Variants in ARHGAP35 observed in about 807,000 individuals in gnomAD.
ARHGAP35 encodes rho GTPase-activating protein 35.
In ARHGAP35, 15 loss-of-function variants were observed where a neutral mutation model predicts 111.1. The ratio of observed to expected loss-of-function variants is 0.13; its 90% CI spans 0.09 to 0.21. The LOEUF is 0.21. ARHGAP35 is among the 10% of genes least tolerant of loss of function. The pLI is 1.00. For missense variants in ARHGAP35, 1,262 were observed against 1,873.0 expected (o/e 0.67, Z 6.02); for synonymous variants, 643 against 710.3 (o/e 0.91, Z 1.51).
chr19:46,876,916 A>G (rs1043563932), intron 1 of ARHGAP35, among the ~76,000 whole-genome samples: 4 of 152,208 alleles, frequency 2.6e-5, no homozygotes, highest in South Asian at 2.1e-4. Context: ...ATGGCAATAA[A>G]GCCAGTCACA....
rs1210175202 is a variant in ARHGAP35 at position 47,004,515 on chromosome 19, A to T, written c.*3827A>T. On this transcript the variant is annotated 3_prime_UTR_variant, in exon 7 of 7. Coordinates refer to ENST00000672722, the MANE Select transcript of ARHGAP35 (RefSeq NM_004491.5). ...ATTTAAGAAAAAAACAAAAAAACGGAAATGTCAGAATTGTATGGAAATAAA... is the reference window on the plus strand; with the variant it reads ...ATTTAAGAAAAAAACAAAAAAACGGTAATGTCAGAATTGTATGGAAATAAA... The T allele has an allele frequency of 1.3e-5, 2 of 152,692 alleles. No individual in the cohort carries two copies. The highest frequency in any genetic ancestry group is 4.8e-5 in the African/African-American group (2 of 41,472). 9.5% of individuals were successfully genotyped at this position (152,692 alleles called of 1,614,324 possible). A position where few individuals can be genotyped will look rare whatever the true frequency, so the allele number is the denominator to read the frequency against.
At chr19:46,862,165 C>T (rs544886585) in intron 1 of ARHGAP35, among the ~76,000 whole-genome samples, 1 of 152,162 alleles carries the variant, frequency 6.6e-6, no homozygotes. Context: ...GCTCCCCTCA[C>T]CTGCTTGCTT....
chr19:46,884,515 TTC>T (rs1491524475), intron 1 of ARHGAP35, among the ~76,000 whole-genome samples: 1 of 149,692 alleles, frequency 6.7e-6, no homozygotes, highest in African/African-American at 2.5e-5. Flanking sequence ...TTTTTTTTTT[TTC>T]CCCTTTTGAG....
intron 3 of ARHGAP35, among the ~76,000 whole-genome samples, chr19:46,956,982 C>T (rs1392556818): frequency 4.2e-5 from 4 of 95,792 alleles, no homozygotes; most frequent in African/African-American, 1.3e-4. Context: ...TTTTTTGAGA[C>T]GGAGTCTCGC....
At chr19:46,963,205 T>C (rs796923941) in intron 3 of ARHGAP35, among the ~76,000 whole-genome samples, 12 of 152,256 alleles carry the variant, frequency 7.9e-5, no homozygotes, top group African/African-American at 2.9e-4. Context: ...CTGGAAACCT[T>C]ATGTGACTCA....
Position 46,918,873 on chromosome 19 carries a change from A to G in ARHGAP35, c.198A>G (p.Arg66=), listed in dbSNP as rs936631812. ...SVLSTSDFGG[R]VVNNDHFLYW... is the part of the protein sequence containing the mutation. ...TCAGCACCAGTGACTTTGGAGGGCGAGTGGTCAATAATGACCACTTTCTCT... is the reference window on the plus strand; with the variant it reads ...TCAGCACCAGTGACTTTGGAGGGCGGGTGGTCAATAATGACCACTTTCTCT... The change falls in exon 2 of 7, where the codon CGA becomes CGG. Residue 66 remains arginine (R), a synonymous_variant. Transcript: ENST00000672722. The surrounding 1 kb of genome is among the most constrained non-coding windows in gnomAD (Gnocchi z 5.4). 1.2e-6 allele frequency: 2 copies of G among 1,613,834 alleles called. No individual in the cohort carries two copies. Among genetic ancestry groups the G allele is most frequent in the Non-Finnish European group, 1.7e-6 (2 of 1,179,892 alleles).
Position 46,929,084 on chromosome 19 carries a change from T to A in ARHGAP35, c.3681+6728T>A, listed in dbSNP as rs1366388478. On this transcript the variant is annotated intron_variant, in intron 2 of 6. Transcript: ENST00000672722. The stretch of plus-strand genomic sequence containing the variant: ...CGTAAATAAAGATGCTCCAAGATGG[T>A]GAGTGACTGAGTCATGGTATTAACT... Among the ~76,000 whole-genome samples, 6 of 152,208 alleles carry A rather than the reference T, an allele frequency of 3.9e-5. 1 individual carries two copies. In the South Asian group the frequency reaches 1.2e-3, roughly 32 times the overall value.
At chr19:46,902,371 C>A (rs970133029) in intron 1 of ARHGAP35, among the ~76,000 whole-genome samples, 2 of 152,104 alleles carry the variant, frequency 1.3e-5, no homozygotes, top group African/African-American at 4.8e-5. Flanking sequence ...TAGAAGCAAT[C>A]ATATATAAAA....
At chr19:46,951,605 G>A (rs2056413695) in intron 3 of ARHGAP35, among the ~76,000 whole-genome samples, 1 of 152,166 alleles carries the variant, frequency 6.6e-6, no homozygotes, top group Admixed American at 6.5e-5. Flanking sequence ...GGTACTTTGA[G>A]TCATGAGATG....
chr19:46,939,727 T>C (rs1453407146), intron 3 of ARHGAP35, among the ~76,000 whole-genome samples: 1 of 152,166 alleles, frequency 6.6e-6, no homozygotes, highest in Admixed American at 6.5e-5. Context: ...CCTTTACTTT[T>C]AAATACTTCA....
chr19:46,932,501 C>T (rs2056278819), intron 2 of ARHGAP35, among the ~76,000 whole-genome samples: 1 of 152,108 alleles, frequency 6.6e-6, no homozygotes, highest in Non-Finnish European at 1.5e-5. Context: ...TGACTGGGGG[C>T]ATGAGATATC....
intron 2 of ARHGAP35, among the ~76,000 whole-genome samples, chr19:46,930,219 C>T (rs563855191): frequency 1.3e-5 from 2 of 151,766 alleles, no homozygotes; most frequent in Non-Finnish European, 1.5e-5. Flanking sequence ...ATTATCTGGG[C>T]GCGGTGGCAC....
intron 1 of ARHGAP35, among the ~76,000 whole-genome samples, chr19:46,909,891 C>T (rs1241736748): frequency 6.6e-6 from 1 of 152,084 alleles, no homozygotes; most frequent in Non-Finnish European, 1.5e-5. Flanking sequence ...AGGTGATCTT[C>T]CCACCTGAGC....
chr19:46,901,440 T>G lies in ARHGAP35; in HGVS notation c.-188-17048T>G, dbSNP rs1188925311. 6.6e-6 allele frequency among the ~76,000 whole-genome samples: 1 copy of G among 152,050 alleles called. No individual in the cohort carries two copies. The highest frequency in any genetic ancestry group is 3.2e-3 in the Middle Eastern group (1 of 316). The stretch of plus-strand genomic sequence containing the variant: ...AGGCATGGTGACGCGTGCCTGTAGT[T>G]CCAGCTACTTGGAAGGCTGGAGCAG... On this transcript the variant is annotated intron_variant, in intron 1 of 6. Coordinates refer to ENST00000672722, the MANE Select transcript of ARHGAP35 (RefSeq NM_004491.5). The surrounding 1 kb of genome is among the most constrained non-coding windows in gnomAD (Gnocchi z 4.5).
intron 1 of ARHGAP35, among the ~76,000 whole-genome samples, chr19:46,893,613 C>A (rs1238549646): frequency 3.3e-5 from 5 of 151,374 alleles, no homozygotes; most frequent in Non-Finnish European, 7.4e-5. Context: ...ACTTCTCTCC[C>A]CCCTTGGTTT....
chr19:46,946,295 CT>C (rs911365902), intron 3 of ARHGAP35, among the ~76,000 whole-genome samples: 6 of 152,190 alleles, frequency 3.9e-5, no homozygotes, highest in African/African-American at 1.4e-4. Flanking sequence ...GAAGCTAGCC[CT>C]TGGGAGGGGT....
chr19:46,896,376 C>A (rs2056056205), intron 1 of ARHGAP35, among the ~76,000 whole-genome samples: 1 of 152,176 alleles, frequency 6.6e-6, no homozygotes, highest in Non-Finnish European at 1.5e-5. Flanking sequence ...ACAGCAAGTC[C>A]CTGTCTCAAA....
At chr19:46,873,907 C>G (rs920076395) in intron 1 of ARHGAP35, among the ~76,000 whole-genome samples, 1 of 152,084 alleles carries the variant, frequency 6.6e-6, no homozygotes, top group Non-Finnish European at 1.5e-5. Context: ...CGCCACCACC[C>G]TGGGCTAATT....
At chr19:46,864,056 C>G (rs1489188952) in intron 1 of ARHGAP35, among the ~76,000 whole-genome samples, 2 of 152,252 alleles carry the variant, frequency 1.3e-5, no homozygotes, top group Non-Finnish European at 2.9e-5. Context: ...ATGCTAGATT[C>G]TGGGGCTCTT....
Sources: gnomAD v4.1 joint callset for allele counts (sites outside exome capture counted in the v4.1 genomes callset) on GRCh38, gnomAD v4.1.1 for gene constraint, Gnocchi (gnomAD v3.1) non-coding constraint, MANE v1.5 for transcripts, NCBI Gene and HGNC (gene_info 2026-07-23, HGNC 2026-07-21) for gene names.